The following PCDH15 variants were observed in gnomAD, a reference collection of about 807,000 sequenced individuals.
PCDH15 encodes the protein protocadherin-15.
A neutral mutation model predicts 178.5 loss-of-function variants in PCDH15; 129 were observed. The observed-to-expected ratio is 0.72, with a 90% CI of 0.63 to 0.84. PCDH15 has a LOEUF of 0.84. PCDH15 is among the 40% of genes least tolerant of loss of function. The pLI is 0.00. For missense variants in PCDH15, 2,230 were observed against 2,099.9 expected (o/e 1.06, Z -1.21); for synonymous variants, 800 against 732.0 (o/e 1.09, Z -1.50).
intron 2 of PCDH15, among the ~76,000 whole-genome samples, chr10:55,160,669 C>T (rs1788901713): frequency 6.6e-6 from 1 of 152,024 alleles, no homozygotes; most frequent in Admixed American, 6.6e-5. Flanking sequence ...ACCTTATAAG[C>T]ATCTTGTTGA....
chr10:54,875,300 G>A (rs1475754067), intron 3 of PCDH15, among the ~76,000 whole-genome samples: 1 of 152,098 alleles, frequency 6.6e-6, no homozygotes, highest in African/African-American at 2.4e-5. Flanking sequence ...TAAATATTGT[G>A]TATGTTCTCA....
chr10:54,020,488 A>T (rs2092883653), intron 19 of PCDH15, 72 bp from the exon 20 acceptor site: 1 of 1,388,972 alleles, frequency 7.2e-7, no homozygotes, highest in African/African-American at 1.4e-5. Context: ...GATGGAAGTC[A>T]TGCGTTAGTG....
At chr10:54,228,807 C>T (rs2053743533) in intron 9 of PCDH15, among the ~76,000 whole-genome samples, 1 of 152,168 alleles carries the variant, frequency 6.6e-6, no homozygotes, top group South Asian at 2.1e-4. Flanking sequence ...TCTTCTGATT[C>T]AAATATTAGT....
chr10:54,130,621 A>G (rs1013669559), intron 15 of PCDH15, among the ~76,000 whole-genome samples: 26 of 152,180 alleles, frequency 1.7e-4, no homozygotes, highest in African/African-American at 6.3e-4. Context: ...TTAAAAGGGG[A>G]AGTGGGAGGA....
chr10:54,891,345 G>A (rs551876302), intron 3 of PCDH15, among the ~76,000 whole-genome samples: 3 of 152,072 alleles, frequency 2.0e-5, no homozygotes, highest in Non-Finnish European at 4.4e-5. Flanking sequence ...ACTGTATTGG[G>A]AGAGCATTTT....
intron 2 of PCDH15, among the ~76,000 whole-genome samples, chr10:55,369,804 T>C: frequency 6.6e-6 from 1 of 152,004 alleles, no homozygotes; most frequent in Admixed American, 6.6e-5. Flanking sequence ...CAGCCAATTG[T>C]GTACAATTTT....
At chr10:55,529,741 GTA>G (rs56254743) in intron 2 of PCDH15, among the ~76,000 whole-genome samples, 1,938 of 62,706 alleles carry the variant, frequency 0.031, 51 homozygotes, top group African/African-American at 0.059. Context: ...TTGTCTGTGA[GTA>G]TATATATATA....
intron 2 of PCDH15, among the ~76,000 whole-genome samples, chr10:55,433,319 G>C (rs985384521): frequency 3.3e-5 from 5 of 152,140 alleles, no homozygotes; most frequent in Non-Finnish European, 5.9e-5. Flanking sequence ...TGGAGCTGGA[G>C]GCCATAACCA....
chr10:53,867,877 T>C (rs1368177664), intron 26 of PCDH15, among the ~76,000 whole-genome samples: 1 of 152,164 alleles, frequency 6.6e-6, no homozygotes, highest in African/African-American at 2.4e-5. Context: ...CGACTTCCTT[T>C]TTAATCATCC....
intron 25 of PCDH15, among the ~76,000 whole-genome samples, chr10:53,934,291 T>C (rs1385950568): frequency 6.6e-6 from 1 of 152,252 alleles, no homozygotes; most frequent in East Asian, 1.9e-4. Flanking sequence ...CTTGCACCAC[T>C]GTAAGGTGAT....
chr10:55,434,444 A>G lies in PCDH15; in HGVS notation c.-156+193181T>C, dbSNP rs560489228. Among the ~76,000 whole-genome samples the G allele has an allele frequency of 8.5e-5, 13 of 152,206 alleles. No homozygotes were observed. In the South Asian group the frequency reaches 2.7e-3, roughly 32 times the overall value. ...TTGAAATGAGTTTCATAATTTCCCA[A>G]TTATTATTGGTATGGTTTTTTATTA... On this transcript the variant is annotated intron_variant, in intron 2 of 5. Transcript: ENST00000613346.
chr10:54,477,481 A>C (rs1177999902), intron 3 of PCDH15, among the ~76,000 whole-genome samples: 1 of 152,202 alleles, frequency 6.6e-6, no homozygotes, highest in African/African-American at 2.4e-5. Context: ...CCAAACAGTA[A>C]ATTCTTTGAG....
chr10:54,558,231 T>G (rs2087569941), intron 2 of PCDH15, among the ~76,000 whole-genome samples: 1 of 152,152 alleles, frequency 6.6e-6, no homozygotes, highest in African/African-American at 2.4e-5. Context: ...ACCACCTATG[T>G]TAACAAAACT....
intron 2 of PCDH15, among the ~76,000 whole-genome samples, chr10:54,982,836 C>A (rs1428737201): frequency 1.3e-5 from 2 of 152,184 alleles, no homozygotes; most frequent in East Asian, 3.9e-4. Context: ...TAATATCTAG[C>A]AAATATTAAT....
At chr10:55,209,844 A>T (rs1447044481) in intron 1 of PCDH15, among the ~76,000 whole-genome samples, 1 of 152,084 alleles carries the variant, frequency 6.6e-6, no homozygotes, top group Non-Finnish European at 1.5e-5. Flanking sequence ...GATCCATGCT[A>T]AAGATTTGTA....
chr10:54,682,726 T>G (rs1591028699), intron 1 of PCDH15, among the ~76,000 whole-genome samples: 1 of 152,270 alleles, frequency 6.6e-6, no homozygotes, highest in East Asian at 1.9e-4. Flanking sequence ...TCTTAAAAAC[T>G]AAATAGCTAC....
chr10:54,191,659 T>C (rs1387934607), intron 11 of PCDH15, among the ~76,000 whole-genome samples: 4 of 151,252 alleles, frequency 2.6e-5, no homozygotes, highest in African/African-American at 9.7e-5. Flanking sequence ...GGCTCATGCC[T>C]GTAAACCCGA....
intron 2 of PCDH15, among the ~76,000 whole-genome samples, chr10:54,545,233 C>A (rs897052809): frequency 2.6e-4 from 39 of 152,246 alleles, no homozygotes; most frequent in Admixed American, 5.9e-4. Flanking sequence ...TCTTTCTCTA[C>A]TAAAATAGCT....
chr10:55,056,293 C>G (rs2131993609), intron 2 of PCDH15, among the ~76,000 whole-genome samples: 1 of 152,264 alleles, frequency 6.6e-6, no homozygotes, highest in African/African-American at 2.4e-5. Flanking sequence ...TCCCATTTGT[C>G]TGATTTCATC....
Sources: allele counts gnomAD v4.1 joint callset (sites outside exome capture counted in the v4.1 genomes callset), GRCh38; gene constraint gnomAD v4.1.1; transcripts MANE v1.5; gene names NCBI Gene and HGNC (gene_info 2026-07-23, HGNC 2026-07-21).